Variants in AGPS observed in about 807,000 individuals in gnomAD.
AGPS encodes alkyldihydroxyacetonephosphate synthase, peroxisomal.
A neutral mutation model predicts 90.7 loss-of-function variants in AGPS; 26 were observed. The ratio of observed to expected loss-of-function variants is 0.29; its 90% CI spans 0.21 to 0.40. The LOEUF (loss-of-function observed/expected upper bound fraction) is 0.40. Ranked by LOEUF, AGPS falls within the 10% of genes least tolerant of loss-of-function variation. The pLI is 1.00. For missense variants in AGPS, 540 were observed against 816.1 expected (o/e 0.66, Z 4.12); for synonymous variants, 294 against 285.3 (o/e 1.03, Z -0.31).
intron 1 of AGPS, among the ~76,000 whole-genome samples, chr2:177,403,608 T>C (rs1229461293): frequency 6.6e-6 from 1 of 152,154 alleles, no homozygotes; most frequent in Non-Finnish European, 1.5e-5. Context: ...TGCATTTTGT[T>C]GCAGAAAAAA....
At chr2:177,434,511 A>T (rs1335772203) in intron 3 of AGPS, 94 bp downstream of exon 3, 1 of 944,926 alleles carries the variant, frequency 1.1e-6, no homozygotes, top group Non-Finnish European at 1.7e-6. Flanking sequence ...TATTGGATTT[A>T]CTGCAACTGT....
At chr2:177,463,540 T>C (rs1687360715) in intron 9 of AGPS, among the ~76,000 whole-genome samples, 3 of 152,192 alleles carry the variant, frequency 2.0e-5, no homozygotes, top group African/African-American at 7.2e-5. Flanking sequence ...ATATCTTTGT[T>C]ATTAGGAATA....
rs534902471 is a variant in AGPS, at chr2:177,454,176, C to G, written c.871-7717C>G. On this transcript the variant is annotated intron_variant, in intron 8 of 19. Coordinates refer to ENST00000264167, the MANE Select transcript of AGPS (RefSeq NM_003659.4). ...TTATTTCTTCAACTATCCAATAAAC[C>G]CCCCTCCCCGCTGACCTTTAGGGAC... Among the ~76,000 whole-genome samples, 90 of 151,346 alleles carry G rather than the reference C, an allele frequency of 5.9e-4. No homozygotes were observed. The Middle Eastern group carries it at 0.01, about 17-fold the overall frequency.
intron 15 of AGPS, among the ~76,000 whole-genome samples, chr2:177,507,048 G>A (rs563831237): frequency 1.3e-5 from 2 of 151,900 alleles, no homozygotes; most frequent in African/African-American, 2.4e-5. Context: ...CCCCTACCCC[G>A]GGATTACATG....
intron 10 of AGPS, among the ~76,000 whole-genome samples, chr2:177,475,720 C>T (rs1330191510): frequency 6.6e-6 from 1 of 152,086 alleles, no homozygotes; most frequent in Non-Finnish European, 1.5e-5. Flanking sequence ...ATTGTTTCCA[C>T]ATTTTGGCTG....
intron 2 of AGPS, among the ~76,000 whole-genome samples, chr2:177,430,773 A>T (rs1043555979): frequency 1.3e-5 from 2 of 152,114 alleles, no homozygotes; most frequent in African/African-American, 4.8e-5. Flanking sequence ...ACAGCTGCGG[A>T]TCACAGCTGC....
At chr2:177,440,278 C>A (rs758944946) in intron 5 of AGPS, among the ~76,000 whole-genome samples, 1 of 151,980 alleles carries the variant, frequency 6.6e-6, no homozygotes, top group Non-Finnish European at 1.5e-5. Flanking sequence ...CCTAGTAACA[C>A]GGCCTAACCA....
intron 14 of AGPS, among the ~76,000 whole-genome samples, chr2:177,503,486 C>T (rs569286799): frequency 3.9e-5 from 6 of 152,272 alleles, no homozygotes; most frequent in African/African-American, 1.2e-4. Context: ...AGTCCTTCCT[C>T]ATGAGACAGC....
intron 10 of AGPS, among the ~76,000 whole-genome samples, chr2:177,481,732 T>C (rs1249732061): frequency 6.6e-6 from 1 of 152,050 alleles, no homozygotes; most frequent in Non-Finnish European, 1.5e-5. Context: ...TAAGAATCCA[T>C]TGTTTTTCAA....
intron 9 of AGPS, among the ~76,000 whole-genome samples, chr2:177,464,190 C>T (rs139710586): frequency 9.2e-5 from 14 of 152,328 alleles, no homozygotes; most frequent in Non-Finnish European, 1.6e-4. Context: ...CTCCTCCTGC[C>T]TCGGCCTCCC....
intron 1 of AGPS, among the ~76,000 whole-genome samples, chr2:177,408,025 T>C (rs1685512510): frequency 6.6e-6 from 1 of 152,128 alleles, no homozygotes. Context: ...CAGGTGGTTC[T>C]CCCACCTCAG....
chr2:177,424,585 A>G (rs1471648941), intron 2 of AGPS, among the ~76,000 whole-genome samples: 6 of 152,200 alleles, frequency 3.9e-5, no homozygotes, highest in East Asian at 1.9e-4. Flanking sequence ...TAATGTATCT[A>G]TTCCTTTGTG....
chr2:177,537,359 C>CA (rs141563155), intron 19 of AGPS, among the ~76,000 whole-genome samples: 21,722 of 151,478 alleles, frequency 0.14, 2,130 homozygotes, highest in Middle Eastern at 0.24. Context: ...GACCTAGAAA[C>CA]AAAAAAAGGG....
chr2:177,456,569 G>A (rs892701349), intron 8 of AGPS, among the ~76,000 whole-genome samples: 16 of 152,298 alleles, frequency 1.1e-4, no homozygotes, highest in African/African-American at 3.8e-4. Flanking sequence ...TTAAATTGGT[G>A]TGGTAGAGCT....
intron 15 of AGPS, 34 bp downstream of exon 15, chr2:177,505,609 TTA>T: frequency 6.4e-7 from 1 of 1,566,272 alleles, no homozygotes; most frequent in Non-Finnish European, 8.8e-7. Flanking sequence ...GCCACTTAAT[TTA>T]TGTTGCAAAC....
chr2:177,420,504 A>G (rs1026990343), intron 2 of AGPS, 146 bp downstream of exon 2: 1 of 651,890 alleles, frequency 1.5e-6, no homozygotes, highest in Non-Finnish European at 2.8e-6. Flanking sequence ...TCTCCTGGTA[A>G]TATTTCAAAT....
chr2:177,522,439 G>A (rs769959983), intron 18 of AGPS, among the ~76,000 whole-genome samples: 3 of 151,972 alleles, frequency 2.0e-5, no homozygotes, highest in Non-Finnish European at 2.9e-5. Context: ...TGATTCATTC[G>A]GAAAACCCTA....
intron 1 of AGPS, among the ~76,000 whole-genome samples, chr2:177,405,051 G>T (rs1466639713): frequency 6.6e-6 from 1 of 152,196 alleles, no homozygotes; most frequent in Non-Finnish European, 1.5e-5. Flanking sequence ...CTTGGCCTCA[G>T]GATGGAATTA....
intron 8 of AGPS, among the ~76,000 whole-genome samples, chr2:177,450,863 A>G (rs1458802595): frequency 8.7e-6 from 1 of 114,700 alleles, no homozygotes; most frequent in Admixed American, 9.8e-5. Flanking sequence ...AACAGTTTTG[A>G]TTCTTCTGAC....
Sources: gnomAD v4.1 joint callset for allele counts (sites outside exome capture counted in the v4.1 genomes callset) on GRCh38, gnomAD v4.1.1 for gene constraint, MANE v1.5 for transcripts, NCBI Gene and HGNC (gene_info 2026-07-23, HGNC 2026-07-21) for gene names.